The following SAMSN1 variants were observed in gnomAD, a reference collection of about 807,000 sequenced individuals.
SAMSN1 encodes the protein SAM domain, SH3 domain and nuclear localization signals 1.
A neutral mutation model predicts 42.0 loss-of-function variants in SAMSN1; 31 were observed. The ratio of observed to expected loss-of-function variants is 0.74; its 90% CI spans 0.55 to 1.00. The LOEUF is 1.00. Ranked by LOEUF, SAMSN1 falls within the 50% of genes least tolerant of loss-of-function variation. The pLI is 0.00. For missense variants in SAMSN1, 464 were observed against 439.4 expected (o/e 1.06, Z -0.50); for synonymous variants, 178 against 151.9 (o/e 1.17, Z -1.26).
chr21:14,589,227 C>T (rs1982010781), intron 7 of SAMSN1, among the ~76,000 whole-genome samples: 1 of 152,016 alleles, frequency 6.6e-6, no homozygotes, highest in African/African-American at 2.4e-5. Context: ...TATTAGACAT[C>T]TAGTCTACCA....
At chr21:14,563,847 A>T (rs1981022797) in intron 2 of SAMSN1, among the ~76,000 whole-genome samples, 1 of 152,230 alleles carries the variant, frequency 6.6e-6, no homozygotes, top group Non-Finnish European at 1.5e-5. Flanking sequence ...TCAGCAATTG[A>T]CATATGTGTC....
chr21:14,602,050 T>C (rs1184382379), exon 6 of SAMSN1: 5 of 692,130 alleles, frequency 7.2e-6, no homozygotes, highest in African/African-American at 5.3e-5. Context: ...GTAGAGTTTT[T>C]CCTTGATAGG....
chr21:14,604,684 C>A (rs1043225411), intron 5 of SAMSN1, among the ~76,000 whole-genome samples: 1 of 152,240 alleles, frequency 6.6e-6, no homozygotes, highest in East Asian at 1.9e-4. Context: ...CACTTGAAAC[C>A]CAACCCTGAG....
chr21:14,568,885 A>G (rs777895628), intron 2 of SAMSN1, among the ~76,000 whole-genome samples: 5 of 152,196 alleles, frequency 3.3e-5, no homozygotes, highest in African/African-American at 4.8e-5. Context: ...TTACTGATTG[A>G]TAATATAAGA....
At chr21:14,600,068 CAGTTG>C (rs1283379517) in intron 6 of SAMSN1, among the ~76,000 whole-genome samples, 1 of 152,068 alleles carries the variant, frequency 6.6e-6, no homozygotes, top group Non-Finnish European at 1.5e-5. Flanking sequence ...AGTAATACTC[CAGTTG>C]AGGCTGATAC....
chr21:14,543,114 C>T (rs1418427121), intron 1 of SAMSN1, among the ~76,000 whole-genome samples: 1 of 152,188 alleles, frequency 6.6e-6, no homozygotes, highest in Non-Finnish European at 1.5e-5. Context: ...CTGAGACACA[C>T]ATTAAAGCCC....
intron 1 of SAMSN1, among the ~76,000 whole-genome samples, chr21:14,643,507 G>A (rs541103783): frequency 4.3e-4 from 66 of 152,282 alleles, no homozygotes; most frequent in African/African-American, 1.5e-3. Context: ...TGAGTTACAT[G>A]TATGTCTCTA....
In SAMSN1 at chr21:14,500,248, T is replaced by C. The variant is rs534855544; in HGVS notation, c.768+281A>G. On this transcript the variant is annotated intron_variant, in intron 6 of 7. Coordinates refer to ENST00000400566, the MANE Select transcript of SAMSN1 (RefSeq NM_022136.5). Reference sequence around the variant, plus strand: ...GTTTAGACATTTTCTTAGGGCTTTTTATTCTCCTAGATATTTTTCATTTTT... The same window carrying C: ...GTTTAGACATTTTCTTAGGGCTTTTCATTCTCCTAGATATTTTTCATTTTT... Among the ~76,000 whole-genome samples the C allele has an allele frequency of 1.3e-3, 195 of 152,340 alleles. 1 individual carries two copies. The highest frequency in any genetic ancestry group is 1.7e-3 in the South Asian group (8 of 4,832).
At chr21:14,598,583 G>T (rs190635592) in intron 6 of SAMSN1, among the ~76,000 whole-genome samples, 2 of 152,240 alleles carry the variant, frequency 1.3e-5, no homozygotes, top group South Asian at 4.1e-4. Flanking sequence ...AGAAATATAC[G>T]TGGGGCAAAG....
At chr21:14,573,335 T>C (rs1175289432) in intron 2 of SAMSN1, among the ~76,000 whole-genome samples, 1 of 152,202 alleles carries the variant, frequency 6.6e-6, no homozygotes, top group African/African-American at 2.4e-5. Context: ...AAAGTACTTC[T>C]TGTTAGAATG....
At chr21:14,653,126 G>T (rs915431901) in intron 1 of SAMSN1, among the ~76,000 whole-genome samples, 6 of 152,002 alleles carry the variant, frequency 3.9e-5, no homozygotes, top group African/African-American at 1.4e-4. Context: ...AGAACAGTTT[G>T]GAGGTTCCCC....
At chr21:14,619,894 C>T (rs979632204) in intron 2 of SAMSN1, among the ~76,000 whole-genome samples, 7 of 152,030 alleles carry the variant, frequency 4.6e-5, no homozygotes, top group Admixed American at 2.0e-4. Context: ...TTCCTCTTGG[C>T]GTCTCTGTGT....
intron 1 of SAMSN1, among the ~76,000 whole-genome samples, chr21:14,537,088 A>G (rs955537872): frequency 1.3e-5 from 2 of 152,198 alleles, no homozygotes; most frequent in East Asian, 1.9e-4. Context: ...CTTCTCAAAC[A>G]TCTTTCAACA....
chr21:14,562,310 C>T (rs373182948), intron 2 of SAMSN1, among the ~76,000 whole-genome samples: 16 of 152,256 alleles, frequency 1.1e-4, no homozygotes, highest in African/African-American at 2.9e-4. Context: ...TAAACTTCCT[C>T]GGTGTTTTCC....
At chr21:14,584,912 T>A (rs950082552), upstream of SAMSN1, among the ~76,000 whole-genome samples, 20 of 152,242 alleles carry the variant, frequency 1.3e-4, 2 homozygotes, top group Admixed American at 1.3e-3. Context: ...CCAATCTTTA[T>A]ACTCAGCTGT....
chr21:14,607,738 C>T (rs1317805427), intron 5 of SAMSN1, among the ~76,000 whole-genome samples: 1 of 152,016 alleles, frequency 6.6e-6, no homozygotes, highest in Non-Finnish European at 1.5e-5. Flanking sequence ...CCCAAATTAA[C>T]AAAACAAAAC....
At chr21:14,524,996 T>A (rs927791342) in intron 1 of SAMSN1, among the ~76,000 whole-genome samples, 1 of 152,220 alleles carries the variant, frequency 6.6e-6, no homozygotes, top group Non-Finnish European at 1.5e-5. Flanking sequence ...ACATTTAATC[T>A]GCCTTTCCTG....
chr21:14,585,167 A>T (rs1010650175), upstream of SAMSN1, among the ~76,000 whole-genome samples: 1 of 152,108 alleles, frequency 6.6e-6, no homozygotes, highest in African/African-American at 2.4e-5. Context: ...CACAATTTCT[A>T]TTGCTGTTTA....
intron 5 of SAMSN1, among the ~76,000 whole-genome samples, chr21:14,502,183 G>A (rs1387428405): frequency 6.6e-6 from 1 of 152,140 alleles, no homozygotes; most frequent in African/African-American, 2.4e-5. Context: ...ACTTGTAATG[G>A]TATAATTCAC....
Sources: allele counts gnomAD v4.1 joint callset (sites outside exome capture counted in the v4.1 genomes callset), GRCh38; gene constraint gnomAD v4.1.1; transcripts MANE v1.5; gene names NCBI Gene and HGNC (gene_info 2026-07-23, HGNC 2026-07-21).